UXS1: variants seen among roughly 807,000 people sequenced by gnomAD.
UXS1 encodes UDP-glucuronate decarboxylase 1.
Under a neutral mutation model 62.6 loss-of-function variants are expected in UXS1, and 33 were observed. The observed-to-expected ratio is 0.53, with a 90% confidence interval of 0.40 to 0.70. The LOEUF is 0.70. Ranked by LOEUF, UXS1 falls within the 30% of genes least tolerant of loss-of-function variation. The probability of loss-of-function intolerance (pLI) is 0.00; values close to 1 mark genes in which losing one functional copy is unlikely to be tolerated. For missense variants in UXS1, 434 were observed against 556.3 expected, an observed-to-expected ratio of 0.78 and a Z score of 2.21; for synonymous variants, 213 against 206.8, an observed-to-expected ratio of 1.03 and a Z score of -0.26.
chr2:106,158,162 C>T (rs1421651478), intron 4 of UXS1, 44 bp from the exon 5 acceptor site: 8 of 1,461,640 alleles, frequency 5.5e-6, no homozygotes, highest in Admixed American at 4.0e-5. Flanking sequence ...TCAAACATCT[C>T]ATTTGAATAT....
chr2:106,144,502 C>T (rs1254113282), intron 6 of UXS1, among the ~76,000 whole-genome samples: 3 of 152,212 alleles, frequency 2.0e-5, no homozygotes, highest in African/African-American at 7.2e-5. Flanking sequence ...CAACAGTTAA[C>T]ATTCCTATTA....
At chr2:106,144,521 T>C (rs1229368350) in intron 6 of UXS1, among the ~76,000 whole-genome samples, 1 of 152,236 alleles carries the variant, frequency 6.6e-6, no homozygotes, top group Non-Finnish European at 1.5e-5. Context: ...TACAAAGAAC[T>C]CATACTAAAA....
intron 5 of UXS1, among the ~76,000 whole-genome samples, chr2:106,151,521 C>T (rs956183064): frequency 7.2e-5 from 11 of 152,234 alleles, no homozygotes; most frequent in Non-Finnish European, 1.3e-4. Flanking sequence ...CACGGGATGA[C>T]GCAGCAAGAA....
At chr2:106,112,362 G>C (rs1678689322) in intron 10 of UXS1, among the ~76,000 whole-genome samples, 1 of 152,246 alleles carries the variant, frequency 6.6e-6, no homozygotes, top group Admixed American at 6.5e-5. Context: ...CCAAAAGTAT[G>C]TCGGAGAAGG....
chr2:106,190,700 G>A (rs1021482456), intron 1 of UXS1, among the ~76,000 whole-genome samples: 6 of 138,816 alleles, frequency 4.3e-5, no homozygotes, highest in Non-Finnish European at 7.5e-5. Context: ...CCGAAATCAC[G>A]CCACTGCACT....
intron 5 of UXS1, among the ~76,000 whole-genome samples, chr2:106,150,702 G>T (rs1681936170): frequency 6.6e-6 from 1 of 152,248 alleles, no homozygotes; most frequent in South Asian, 2.1e-4. Flanking sequence ...GACAGGGTGG[G>T]AGGTGGCGGG....
intron 1 of UXS1, among the ~76,000 whole-genome samples, chr2:106,169,285 C>T (rs988853378): frequency 7.2e-5 from 11 of 152,346 alleles, no homozygotes; most frequent in African/African-American, 2.6e-4. Context: ...GCTATGGAAG[C>T]ATCCATTCTC....
At chr2:106,115,154 C>T (rs747128545) in intron 9 of UXS1, among the ~76,000 whole-genome samples, 4 of 152,154 alleles carry the variant, frequency 2.6e-5, no homozygotes, top group Non-Finnish European at 5.9e-5. Context: ...CAGTTGCCAC[C>T]CACATGCATG....
chr2:106,163,588 G>C (rs1017346065), intron 4 of UXS1, 79 bp downstream of exon 4: 71 of 919,250 alleles, frequency 7.7e-5, no homozygotes, highest in South Asian at 1.8e-4. Context: ...GCAGAGTTTG[G>C]AGCAAACAAA....
At chr2:106,115,515 T>C (rs949520240) in intron 9 of UXS1, among the ~76,000 whole-genome samples, 1 of 152,184 alleles carries the variant, frequency 6.6e-6, no homozygotes, top group Non-Finnish European at 1.5e-5. Flanking sequence ...TGGTGGCCCA[T>C]GAGTCATGGA....
intron 1 of UXS1, among the ~76,000 whole-genome samples, chr2:106,177,857 G>A (rs1403540624): frequency 1.2e-4 from 18 of 152,208 alleles, no homozygotes; most frequent in Admixed American, 1.1e-3. Context: ...CAGAAACTCT[G>A]GGGTGTGGTC....
intron 9 of UXS1, among the ~76,000 whole-genome samples, chr2:106,117,530 A>G (rs918914381): frequency 7.0e-6 from 1 of 142,778 alleles, no homozygotes; most frequent in African/African-American, 2.7e-5. Flanking sequence ...GCCACCGAAC[A>G]CTGTAACGTG....
At chr2:106,172,397 G>GT (rs1244820063) in intron 1 of UXS1, among the ~76,000 whole-genome samples, 5 of 152,276 alleles carry the variant, frequency 3.3e-5, no homozygotes, top group African/African-American at 1.2e-4. Flanking sequence ...CAAAATAACA[G>GT]TAACAGAGGC....
rs186782661 is a variant in UXS1 at position 106,193,270 on chromosome 2, G to C, written c.94+878C>G. Among the ~76,000 whole-genome samples, 170 of 152,268 alleles carry C rather than the reference G, an allele frequency of 1.1e-3. 1 individual carries two copies. The highest frequency in any genetic ancestry group is 4.0e-3 in the African/African-American group (168 of 41,532). ...ATTTCAGTGTGTGTCTGGGTGGCTAGCATTCAAACGCAGCTCACACTGGGA... is the reference window on the plus strand; with the variant it reads ...ATTTCAGTGTGTGTCTGGGTGGCTACCATTCAAACGCAGCTCACACTGGGA... On this transcript the variant is annotated intron_variant, in intron 1 of 14. Coordinates refer to ENST00000283148, the MANE Select transcript of UXS1 (RefSeq NM_001253875.2).
intron 1 of UXS1, among the ~76,000 whole-genome samples, chr2:106,180,389 T>C (rs940904060): frequency 6.6e-6 from 1 of 152,166 alleles, no homozygotes; most frequent in African/African-American, 2.4e-5. Flanking sequence ...ACTATCCAAA[T>C]TATAAACCAC....
intron 1 of UXS1, among the ~76,000 whole-genome samples, chr2:106,174,136 A>G: frequency 6.6e-6 from 1 of 151,196 alleles, no homozygotes; most frequent in African/African-American, 2.4e-5. Flanking sequence ...GCCCCTGGGG[A>G]GGGGAAGATG....
chr2:106,104,983 C>A, intron 10 of UXS1, 146 bp from the exon 11 acceptor site: 2 of 909,888 alleles, frequency 2.2e-6, no homozygotes, highest in East Asian at 2.4e-5. Flanking sequence ...CACCACATCC[C>A]GCACTCTACT....
rs1004058809 is a variant in UXS1, at chr2:106,096,707, C to T, written c.1146+11G>A. The T allele has an allele frequency of 6.4e-7, 1 of 1,554,386 alleles. No homozygotes were observed. The highest frequency in any genetic ancestry group is 1.4e-5 in the African/African-American group (1 of 73,350). On this transcript the variant is annotated intron_variant, in intron 14 of 14. Coordinates refer to ENST00000283148, the MANE Select transcript of UXS1 (RefSeq NM_001253875.2). ...CCTCCCCACAAGGCAGCATTAACTCCCTGCACTTACCACGGGCTCCCACCC... is the reference window on the plus strand; with the variant it reads ...CCTCCCCACAAGGCAGCATTAACTCTCTGCACTTACCACGGGCTCCCACCC...
At chr2:106,120,756 G>A (rs1032543794) in intron 9 of UXS1, among the ~76,000 whole-genome samples, 1 of 152,188 alleles carries the variant, frequency 6.6e-6, no homozygotes, top group Non-Finnish European at 1.5e-5. Flanking sequence ...TGTGAACCTG[G>A]CCACAGAAGT....
Sources: allele counts gnomAD v4.1 joint callset (sites outside exome capture counted in the v4.1 genomes callset), GRCh38; gene constraint gnomAD v4.1.1; transcripts MANE v1.5; gene names NCBI Gene and HGNC (gene_info 2026-07-23, HGNC 2026-07-21).